GRM4: variants seen among roughly 807,000 people sequenced by gnomAD.
The protein encoded by GRM4 is glutamate metabotropic receptor 4.
A neutral mutation model predicts 81.7 loss-of-function variants in GRM4; 28 were observed. That is an observed-to-expected ratio of 0.34 (90% CI 0.25 to 0.47). The LOEUF (loss-of-function observed/expected upper bound fraction) is 0.47. Ranked by LOEUF, GRM4 falls within the 20% of genes least tolerant of loss-of-function variation. GRM4 has a pLI of 1.00. For missense variants in GRM4, 948 were observed against 1,290.0 expected (o/e 0.73, Z 4.06); for synonymous variants, 488 against 528.8 (o/e 0.92, Z 1.06).
chr6:34,039,737 C>G (rs1764902857), intron 8 of GRM4, among the ~76,000 whole-genome samples: 1 of 152,182 alleles, frequency 6.6e-6, no homozygotes, highest in Non-Finnish European at 1.5e-5. Context: ...TCCCACCGTT[C>G]AACCTGGGTC....
At chr6:34,146,410 C>T (rs1436726840), upstream of GRM4, among the ~76,000 whole-genome samples, 1 of 152,204 alleles carries the variant, frequency 6.6e-6, no homozygotes, top group South Asian at 2.1e-4. Context: ...GCCTCCTGGT[C>T]GGCAGGCTGC....
intron 6 of GRM4, among the ~76,000 whole-genome samples, chr6:34,045,301 C>T (rs1425116989): frequency 2.0e-5 from 3 of 152,224 alleles, no homozygotes; most frequent in Non-Finnish European, 4.4e-5. Flanking sequence ...ACTCTGCAGC[C>T]GTGGCTCATG....
Position 34,020,559 on chromosome 6 carries a change from C to T in GRM4, c.*2262G>A. The stretch of plus-strand genomic sequence containing the variant: ...CCCCCACCCCCAACTGCCCTGGAAG[C>T]TTTTGGGAGATACCCTTGATCTGGC... On this transcript the variant is annotated 3_prime_UTR_variant, in exon 11 of 11. Transcript: ENST00000538487. 1.4e-5 allele frequency: 2 copies of T among 141,648 alleles called. No homozygotes were observed. The highest frequency in any genetic ancestry group is 4.2e-4 in the East Asian group (2 of 4,796). 8.8% of individuals were successfully genotyped at this position (141,648 alleles called of 1,614,324 possible). A position where few individuals can be genotyped will look rare whatever the true frequency, so the allele number is the denominator to read the frequency against.
At position 34,036,243 on chromosome 6, in the gene GRM4, G is replaced by A. The variant is rs267600988; in HGVS notation, c.1867C>T (p.Arg623Cys). The A allele has an allele frequency of 4.3e-6, 7 of 1,614,024 alleles. No individual in the cohort carries two copies. Among genetic ancestry groups the A allele is most frequent in the Non-Finnish European group, 4.2e-6 (5 of 1,180,000 alleles). ...NDTPIVKASG[R>C]ELSYVLLAGI... is the part of the protein sequence containing the mutation. The stretch of plus-strand genomic sequence containing the variant: ...GCCAGCAGCACGTAGCTCAGTTCAC[G>A]GCCCGAGGCCTTGACGATGGGCGTG... The change falls in exon 9 of 11, where the codon CGT becomes TGT. Residue 623 changes from arginine to cysteine, a missense_variant. Arg to Cys is a radical substitution (Grantham distance 180). Transcript: ENST00000538487. The surrounding 1 kb of genome is among the most constrained non-coding windows in gnomAD (Gnocchi z 9.0).
intron 6 of GRM4, chr6:34,054,486 C>T (rs1358216850): frequency 6.6e-6 from 1 of 152,286 alleles, no homozygotes; most frequent in Non-Finnish European, 1.5e-5. Context: ...CTTCTGAACC[C>T]TGCTCCAGTC....
rs1374692685 is a variant in GRM4, at chr6:34,068,625, A to G, written c.737-6597T>C. 1.3e-5 allele frequency among the ~76,000 whole-genome samples: 2 copies of G among 151,642 alleles called. No individual in the cohort carries two copies. The highest frequency in any genetic ancestry group is 4.9e-5 in the African/African-American group (2 of 41,214). On this transcript the variant is annotated intron_variant, in intron 3 of 10. Coordinates refer to ENST00000538487, the MANE Select transcript of GRM4 (RefSeq NM_000841.4). The surrounding 1 kb of genome is among the most constrained non-coding windows in gnomAD (Gnocchi z 4.2). ...TGCCTTCAAAGACCCATCCCCCCGC[A>G]CCACCACTTGTGGGATGTGCCTATC...
chr6:34,044,271 T>TACACATACAC (rs1554181559), intron 6 of GRM4, among the ~76,000 whole-genome samples: 234 of 139,648 alleles, frequency 1.7e-3, no homozygotes, highest in African/African-American at 2.7e-3. Context: ...CATACACATA[T>TACACATACAC]ACACATACAC....
At chr6:34,155,441 TTCGCAAC>T in exon 1 of GRM4, 1 of 1,283,626 alleles carries the variant, frequency 7.8e-7, no homozygotes. Context: ...AGGCCGGCGG[TTCGCAAC>T]CTCGACGCAC....
chr6:34,091,110 G>A (rs1768185371), intron 3 of GRM4, among the ~76,000 whole-genome samples: 1 of 152,184 alleles, frequency 6.6e-6, no homozygotes, highest in Non-Finnish European at 1.5e-5. Flanking sequence ...CACAGCTGCA[G>A]CCCATGCAGC....
chr6:34,065,680 A>G (rs982113804), intron 3 of GRM4, among the ~76,000 whole-genome samples: 28 of 152,324 alleles, frequency 1.8e-4, no homozygotes, highest in Admixed American at 9.1e-4. Flanking sequence ...AAGCTCTGCC[A>G]TCCCGGCCAA....
rs767502907 is a variant in GRM4, at chr6:34,036,578, C to G, written c.1532G>C (p.Ser511Thr). 5.0e-6 allele frequency: 8 copies of G among 1,587,248 alleles called. 1 individual carries two copies. The Admixed American group carries it at 1.0e-4, about 20-fold the overall frequency. Residue 511 changes from serine (S) to threonine (T), a missense_variant, in exon 9 of 11, where the codon AGC (serine) becomes ACC (threonine). Physicochemically the swap from Ser to Thr is moderately conservative, Grantham distance 58 (BLOSUM62 1). Coordinates refer to ENST00000538487, the MANE Select transcript of GRM4 (RefSeq NM_000841.4). This position sits in a 1 kb window ranked among gnomAD's most constrained non-coding sequence, Gnocchi z 9.0. ...LRIERMHWPG[S>T]GQQLPRSICS... ...GATGGAGCGGGGCAGCTGCTGCCCG[C>G]TCCCCGGCCAGTGCATCCGCTCTAT...
rs937258321 is a variant in GRM4, at chr6:34,048,806, A to G, written c.1168+7738T>C. On this transcript the variant is annotated intron_variant, in intron 6 of 10. Transcript: ENST00000538487. This position sits in a 1 kb window ranked among gnomAD's most constrained non-coding sequence, Gnocchi z 4.0. ...CTCGCCTTCTCTCTCCTGTTCCACC[A>G]TGGTAAGCCGTGCTTGCTTCCTCTT... is the stretch of plus-strand genomic sequence containing the variant. Among the ~76,000 whole-genome samples, 1 of 152,066 alleles carries G rather than the reference A, an allele frequency of 6.6e-6. No individual in the cohort carries two copies. Among genetic ancestry groups the G allele is most frequent in the Non-Finnish European group, 1.5e-5 (1 of 68,006 alleles).
intron 1 of GRM4, among the ~76,000 whole-genome samples, chr6:34,145,145 G>A (rs1046494756): frequency 6.6e-6 from 1 of 151,918 alleles, no homozygotes; most frequent in African/African-American, 2.4e-5. Flanking sequence ...GGCCTGCCCC[G>A]GGGGCGCAGG....
chr6:34,112,930 C>T (rs1054740785), intron 2 of GRM4, among the ~76,000 whole-genome samples: 1 of 152,232 alleles, frequency 6.6e-6, no homozygotes, highest in Non-Finnish European at 1.5e-5. Flanking sequence ...ATGTTTTCGC[C>T]AGGGCCATCT....
intron 2 of GRM4, among the ~76,000 whole-genome samples, chr6:34,106,258 T>C (rs767388826): frequency 1.3e-5 from 2 of 151,608 alleles, no homozygotes; most frequent in Non-Finnish European, 2.9e-5. Context: ...CTACCAAAAA[T>C]ACAAAAATTA....
chr6:34,025,559 G>C (rs778056487), intron 10 of GRM4, among the ~76,000 whole-genome samples: 1 of 152,164 alleles, frequency 6.6e-6, no homozygotes, highest in Non-Finnish European at 1.5e-5. Flanking sequence ...AGAAAACCCA[G>C]CTCACAGGTT....
intron 2 of GRM4, among the ~76,000 whole-genome samples, chr6:34,095,651 A>C (rs1201167316): frequency 2.0e-5 from 3 of 151,862 alleles, no homozygotes; most frequent in Non-Finnish European, 4.4e-5. Flanking sequence ...CTCTGGCAGC[A>C]ATCGCCTTCT....
chr6:34,105,496 G>A (rs149698767), intron 2 of GRM4, among the ~76,000 whole-genome samples: 211 of 152,218 alleles, frequency 1.4e-3, no homozygotes, highest in Admixed American at 5.7e-3. Flanking sequence ...CGCTCCTGGC[G>A]CTCCTTGTCC....
At chr6:34,106,848 C>T (rs931364381) in intron 2 of GRM4, among the ~76,000 whole-genome samples, 1 of 152,270 alleles carries the variant, frequency 6.6e-6, no homozygotes, top group Non-Finnish European at 1.5e-5. Context: ...CAACTACAAA[C>T]AGGCGAGCCT....
Sources: gnomAD v4.1 joint callset for allele counts (sites outside exome capture counted in the v4.1 genomes callset) on GRCh38, gnomAD v4.1.1 for gene constraint, Gnocchi (gnomAD v3.1) non-coding constraint, MANE v1.5 for transcripts, NCBI Gene and HGNC (gene_info 2026-07-23, HGNC 2026-07-21) for gene names.